Variants in CSNK1G3 observed in about 807,000 individuals in gnomAD.
CSNK1G3 encodes the protein casein kinase 1 gamma 3.
In CSNK1G3, 23 loss-of-function variants were observed where a neutral mutation model predicts 64.3. The ratio of observed to expected loss-of-function variants is 0.36; its 90% CI spans 0.26 to 0.51. The LOEUF (loss-of-function observed/expected upper bound fraction) is 0.51, where lower values mean the gene tolerates loss of function less well. Among genes scored for constraint, CSNK1G3 ranks in the 20% least tolerant of loss-of-function variants. The probability of loss-of-function intolerance (pLI) is 0.96; values close to 1 mark genes in which losing one functional copy is unlikely to be tolerated. For synonymous variants in CSNK1G3, 158 were observed against 162.2 expected (o/e 0.97, Z 0.20); for missense variants, 357 against 510.5 (o/e 0.70, Z 2.90).
At chr5:123,531,635 T>C (rs559240046) in intron 1 of CSNK1G3, among the ~76,000 whole-genome samples, 10 of 152,162 alleles carry the variant, frequency 6.6e-5, no homozygotes, top group East Asian at 5.8e-4. Flanking sequence ...TTAAAAGCTT[T>C]CTTTTGAAGA....
intron 6 of CSNK1G3, among the ~76,000 whole-genome samples, chr5:123,578,081 T>C (rs1210197059): frequency 6.6e-6 from 1 of 151,970 alleles, no homozygotes. Flanking sequence ...CATAAACATA[T>C]CACAAACTGC....
At chr5:123,560,197 G>A (rs1785408651) in intron 4 of CSNK1G3, among the ~76,000 whole-genome samples, 1 of 152,074 alleles carries the variant, frequency 6.6e-6, no homozygotes, top group Admixed American at 6.6e-5. Context: ...CAATATGGCT[G>A]TAACAAAACA....
At chr5:123,513,849 A>T (rs1776668359) in intron 1 of CSNK1G3, among the ~76,000 whole-genome samples, 1 of 152,182 alleles carries the variant, frequency 6.6e-6, no homozygotes, top group South Asian at 2.1e-4. Flanking sequence ...AATATTTTTC[A>T]CCAAAAAAAT....
chr5:123,535,284 A>G (rs1446402592), intron 1 of CSNK1G3, among the ~76,000 whole-genome samples: 10 of 152,084 alleles, frequency 6.6e-5, no homozygotes, highest in African/African-American at 2.4e-4. Context: ...CTAAACTTGG[A>G]TTTCTTATCA....
At chr5:123,519,031 A>G (rs1421846458) in intron 1 of CSNK1G3, among the ~76,000 whole-genome samples, 1 of 130,796 alleles carries the variant, frequency 7.6e-6, no homozygotes, top group Non-Finnish European at 1.6e-5. Context: ...AAGTGCTGGG[A>G]TTATAGGCTT....
chr5:123,611,273 G>GT (rs1421120498), intron 12 of CSNK1G3, among the ~76,000 whole-genome samples: 1 of 152,140 alleles, frequency 6.6e-6, no homozygotes, highest in Admixed American at 6.5e-5. Context: ...GGATGCATTT[G>GT]TATCACATAA....
intron 12 of CSNK1G3, 76 bp downstream of exon 13, chr5:123,605,438 T>C: frequency 6.7e-7 from 1 of 1,497,166 alleles, no homozygotes. Flanking sequence ...TTTTGTGTCT[T>C]TTGAAAACAA....
At chr5:123,607,411 A>G (rs1054307167) in intron 12 of CSNK1G3, among the ~76,000 whole-genome samples, 2 of 152,206 alleles carry the variant, frequency 1.3e-5, no homozygotes, top group Non-Finnish European at 2.9e-5. Context: ...ATAATTAACA[A>G]TGTGGTATAC....
At chr5:123,583,779 A>G (rs1419874220) in intron 6 of CSNK1G3, among the ~76,000 whole-genome samples, 2 of 152,048 alleles carry the variant, frequency 1.3e-5, no homozygotes, top group Non-Finnish European at 2.9e-5. Flanking sequence ...TCCTAGGCTC[A>G]AGGAATCCTC....
chr5:123,600,641 A>C (rs904712406), intron 10 of CSNK1G3, among the ~76,000 whole-genome samples: 10 of 152,074 alleles, frequency 6.6e-5, no homozygotes, highest in African/African-American at 2.4e-4. Flanking sequence ...AAAAAAAAGA[A>C]AGAAAGAAAT....
intron 6 of CSNK1G3, among the ~76,000 whole-genome samples, chr5:123,580,444 A>G (rs975469495): frequency 1.3e-5 from 2 of 151,974 alleles, no homozygotes; most frequent in Non-Finnish European, 2.9e-5. Context: ...GTATCTGTTG[A>G]TCTTAACTAG....
At chr5:123,560,800 G>C (rs375379976) in intron 4 of CSNK1G3, among the ~76,000 whole-genome samples, 1 of 152,308 alleles carries the variant, frequency 6.6e-6, no homozygotes, top group South Asian at 2.1e-4. Context: ...GGTGTTTTCT[G>C]GGGGCTTGGG....
intron 4 of CSNK1G3, among the ~76,000 whole-genome samples, chr5:123,557,805 T>C (rs1784911194): frequency 6.6e-6 from 1 of 152,202 alleles, no homozygotes; most frequent in South Asian, 2.1e-4. Context: ...AAATATAAAA[T>C]GCATACTTCT....
In CSNK1G3 at chr5:123,558,312, T is replaced by A. The variant is rs545468875; in HGVS notation, c.289+748T>A. ...GATAAACTCTAAATTCAAGTGAGATTATTTCATGCCACTAGAGAAAATTCA... is the reference window on the plus strand; with the variant it reads ...GATAAACTCTAAATTCAAGTGAGATAATTTCATGCCACTAGAGAAAATTCA... On this transcript the variant is annotated intron_variant, in intron 4 of 12. Transcript: ENST00000345990. Among the ~76,000 whole-genome samples the A allele has an allele frequency of 1.3e-4, 20 of 152,342 alleles. 1 individual carries two copies. The South Asian group carries it at 4.1e-3, about 32-fold the overall frequency.
chr5:123,604,667 T>C lies in CSNK1G3; in HGVS notation c.1087-57T>C, dbSNP rs758208423. On this transcript the variant is annotated intron_variant, in intron 10 of 12. Coordinates refer to ENST00000345990, the Ensembl canonical transcript of CSNK1G3. ...GTATAACCTATTTAATATGTATGTA[T>C]ATTTATGAGCATGTGTGTGTACATA... 3 of 850,402 alleles carry C rather than the reference T, an allele frequency of 3.5e-6. No homozygotes were observed. In the Admixed American group the frequency reaches 6.9e-5, roughly 20 times the overall value. The allele number at this position is 850,402 out of a possible 1,614,324, so 52.7% of individuals were successfully genotyped here.
chr5:123,539,125 C>A (rs1184623056), intron 1 of CSNK1G3, among the ~76,000 whole-genome samples: 1 of 152,108 alleles, frequency 6.6e-6, no homozygotes, highest in Non-Finnish European at 1.5e-5. Context: ...TGAGCCACCA[C>A]GCCTGGTTGT....
At chr5:123,579,585 T>G (rs1471131422) in intron 6 of CSNK1G3, among the ~76,000 whole-genome samples, 1 of 151,966 alleles carries the variant, frequency 6.6e-6, no homozygotes, top group Non-Finnish European at 1.5e-5. Flanking sequence ...TTGTGAGACA[T>G]GAAGTCACAA....
intron 4 of CSNK1G3, among the ~76,000 whole-genome samples, chr5:123,569,118 CAATG>C (rs1237930709): frequency 2.0e-5 from 3 of 152,142 alleles, no homozygotes; most frequent in Admixed American, 6.5e-5. Context: ...CTGTAACAAA[CAATG>C]AAGCTTGAAC....
At chr5:123,517,126 A>G (rs1777309893) in intron 1 of CSNK1G3, among the ~76,000 whole-genome samples, 1 of 152,180 alleles carries the variant, frequency 6.6e-6, no homozygotes, top group Non-Finnish European at 1.5e-5. Flanking sequence ...TAGACAAGCA[A>G]AGACTCTCGG....
Sources: gnomAD v4.1 joint callset for allele counts (sites outside exome capture counted in the v4.1 genomes callset) on GRCh38, gnomAD v4.1.1 for gene constraint, MANE v1.5 for transcripts, NCBI Gene and HGNC (gene_info 2026-07-23, HGNC 2026-07-21) for gene names.